Variants in HS3ST4 observed in about 807,000 individuals in gnomAD.
The protein encoded by HS3ST4 is heparan sulfate glucosamine 3-O-sulfotransferase 4.
Under a neutral mutation model 29.2 loss-of-function variants are expected in HS3ST4, and 17 were observed. The ratio of observed to expected loss-of-function variants is 0.58; its 90% CI spans 0.40 to 0.87. The LOEUF (loss-of-function observed/expected upper bound fraction) is 0.87, where lower values mean the gene tolerates loss of function less well. Among genes scored for constraint, HS3ST4 ranks in the 40% least tolerant of loss-of-function variants. The pLI, the probability that HS3ST4 is intolerant of heterozygous loss-of-function variation, is 0.00. For synonymous variants in HS3ST4, 314 were observed against 285.7 expected (o/e 1.10, Z -1.00); for missense variants, 627 against 634.5 (o/e 0.99, Z 0.13).
chr16:25,724,786 T>G (rs1966520615), intron 1 of HS3ST4, among the ~76,000 whole-genome samples: 1 of 152,162 alleles, frequency 6.6e-6, no homozygotes, highest in Non-Finnish European at 1.5e-5. Context: ...ACTGGCAACT[T>G]CGTTAACTCG....
At chr16:25,802,630 G>C (rs1360453386) in intron 1 of HS3ST4, among the ~76,000 whole-genome samples, 1 of 152,046 alleles carries the variant, frequency 6.6e-6, no homozygotes. Flanking sequence ...TGAAATCACT[G>C]TAGAATTTTA....
intron 1 of HS3ST4, among the ~76,000 whole-genome samples, chr16:26,052,757 TGCCCTCAACA>T (rs1367283851): frequency 6.6e-6 from 1 of 152,232 alleles, no homozygotes; most frequent in East Asian, 1.9e-4. Flanking sequence ...CCAAGGGCTT[TGCCCTCAACA>T]GTCCTCACCA....
At chr16:25,757,635 C>T (rs974318847) in intron 1 of HS3ST4, among the ~76,000 whole-genome samples, 4 of 150,986 alleles carry the variant, frequency 2.6e-5, no homozygotes, top group African/African-American at 9.7e-5. Flanking sequence ...AATGTGTCCT[C>T]CCGTCATGCC....
chr16:26,014,039 T>TAAATAAATAAA (rs1209893236), intron 1 of HS3ST4, among the ~76,000 whole-genome samples: 2 of 151,502 alleles, frequency 1.3e-5, no homozygotes, highest in African/African-American at 4.8e-5. Flanking sequence ...AATAAATAAA[T>TAAATAAATAAA]AAAACAAAAA....
intron 1 of HS3ST4, among the ~76,000 whole-genome samples, chr16:25,966,280 A>C (rs767115166): frequency 1.3e-5 from 2 of 152,108 alleles, no homozygotes; most frequent in Non-Finnish European, 2.9e-5. Flanking sequence ...CCATTATGCT[A>C]TGTCTGCCTC....
chr16:25,979,143 T>C (rs866717500), intron 1 of HS3ST4, among the ~76,000 whole-genome samples: 1 of 152,228 alleles, frequency 6.6e-6, no homozygotes, highest in African/African-American at 2.4e-5. Context: ...GTGATCCGCC[T>C]GCCTCGGCCT....
chr16:26,009,843 G>C (rs894002850), intron 1 of HS3ST4, among the ~76,000 whole-genome samples: 4 of 152,190 alleles, frequency 2.6e-5, no homozygotes, highest in African/African-American at 9.7e-5. Flanking sequence ...GAGAACTGCA[G>C]GTATGACTTA....
intron 1 of HS3ST4, among the ~76,000 whole-genome samples, chr16:25,977,731 G>A (rs537520458): frequency 1.3e-5 from 2 of 152,312 alleles, no homozygotes; most frequent in East Asian, 3.9e-4. Context: ...AAGGAAAGTG[G>A]AAGGACATTG....
intron 1 of HS3ST4, among the ~76,000 whole-genome samples, chr16:25,719,235 G>T (rs1301125819): frequency 1.3e-5 from 2 of 152,244 alleles, no homozygotes; most frequent in African/African-American, 4.8e-5. Flanking sequence ...CTGGGGCAAA[G>T]GGAGGGAAAT....
intron 1 of HS3ST4, among the ~76,000 whole-genome samples, chr16:25,936,733 A>G (rs1170327544): frequency 6.6e-6 from 1 of 152,258 alleles, no homozygotes; most frequent in Non-Finnish European, 1.5e-5. Context: ...ATACACCTTG[A>G]GGAACTCACA....
At chr16:25,820,859 C>T (rs1385633131) in intron 1 of HS3ST4, among the ~76,000 whole-genome samples, 1 of 152,026 alleles carries the variant, frequency 6.6e-6, no homozygotes, top group Non-Finnish European at 1.5e-5. Context: ...GCATGAGCCA[C>T]TGCCCCTGGC....
chr16:26,043,637 A>T (rs144349293), intron 1 of HS3ST4, among the ~76,000 whole-genome samples: 51 of 152,314 alleles, frequency 3.3e-4, no homozygotes, highest in African/African-American at 1.2e-3. Context: ...TGTAATGATG[A>T]GAAGGAAAAG....
chr16:25,700,414 A>G (rs1181311814), intron 1 of HS3ST4, among the ~76,000 whole-genome samples: 2 of 152,232 alleles, frequency 1.3e-5, no homozygotes, highest in South Asian at 4.1e-4. Flanking sequence ...TTGGGAATGC[A>G]GGATTGCTCC....
At chr16:25,817,046 G>A (rs915754335) in intron 1 of HS3ST4, among the ~76,000 whole-genome samples, 1 of 152,162 alleles carries the variant, frequency 6.6e-6, no homozygotes, top group Non-Finnish European at 1.5e-5. Context: ...GTTTTGCAGG[G>A]GACAAAAATT....
At chr16:25,707,046 C>T (rs913721322) in intron 1 of HS3ST4, among the ~76,000 whole-genome samples, 1 of 152,198 alleles carries the variant, frequency 6.6e-6, no homozygotes, top group African/African-American at 2.4e-5. Context: ...CTTTGTCCAG[C>T]ATGTCCACCC....
At position 25,960,993 on chromosome 16, in the gene HS3ST4, C is replaced by T. The variant is rs187575867; in HGVS notation, c.735-174619C>T. ...AGCATTTGAACTATTGCCTTCTCCT[C>T]ATTCCCACTCCTACCTCTTCTGATA... is the stretch of plus-strand genomic sequence containing the variant. On this transcript the variant is annotated intron_variant, in intron 1 of 1. Coordinates refer to ENST00000331351, the MANE Select transcript of HS3ST4 (RefSeq NM_006040.3). 5.9e-5 allele frequency among the ~76,000 whole-genome samples: 9 copies of T among 152,314 alleles called. No individual in the cohort carries two copies. The East Asian group carries it at 1.7e-3, about 29-fold the overall frequency.
chr16:25,792,176 T>A (rs1966870717), intron 1 of HS3ST4, among the ~76,000 whole-genome samples: 1 of 151,964 alleles, frequency 6.6e-6, no homozygotes, highest in South Asian at 2.1e-4. Context: ...GGATTTATTA[T>A]ATTCACTTAC....
intron 1 of HS3ST4, among the ~76,000 whole-genome samples, chr16:25,981,836 A>G (rs1969008480): frequency 6.6e-6 from 1 of 152,168 alleles, no homozygotes; most frequent in Non-Finnish European, 1.5e-5. Flanking sequence ...TATTGGTAGA[A>G]TGGGAATAAC....
At chr16:25,838,085 C>T (rs1424218993) in intron 1 of HS3ST4, among the ~76,000 whole-genome samples, 2 of 152,172 alleles carry the variant, frequency 1.3e-5, no homozygotes, top group South Asian at 2.1e-4. Flanking sequence ...TGGGTTAGAA[C>T]CCCAACTCTG....
Sources: allele counts gnomAD v4.1 joint callset (sites outside exome capture counted in the v4.1 genomes callset), GRCh38; gene constraint gnomAD v4.1.1; transcripts MANE v1.5; gene names NCBI Gene and HGNC (gene_info 2026-07-23, HGNC 2026-07-21).